The following FAT3 variants were observed in gnomAD, a reference collection of about 807,000 sequenced individuals.
FAT3 encodes the protein protocadherin Fat 3.
A neutral mutation model predicts 310.2 loss-of-function variants in FAT3; 95 were observed. The ratio of observed to expected loss-of-function variants is 0.31; its 90% confidence interval spans 0.26 to 0.36. FAT3 has a LOEUF of 0.36. FAT3 is among the 10% of genes least tolerant of loss of function. FAT3 has a pLI of 1.00. For missense variants in FAT3, 5,408 were observed against 5,715.6 expected, an observed-to-expected ratio of 0.95 and a Z score of 1.74; for synonymous variants, 2,314 against 2,192.9, an observed-to-expected ratio of 1.06 and a Z score of -1.54.
intron 2 of FAT3, among the ~76,000 whole-genome samples, chr11:92,504,519 T>C (rs1376496874): frequency 6.6e-6 from 1 of 152,134 alleles, no homozygotes; most frequent in Admixed American, 6.6e-5. Flanking sequence ...AATAAAGCCT[T>C]TTATAGCTGA....
chr11:92,746,546 G>A (rs544319088), intron 4 of FAT3, among the ~76,000 whole-genome samples: 3 of 152,082 alleles, frequency 2.0e-5, no homozygotes, highest in Non-Finnish European at 4.4e-5. Flanking sequence ...CAAATCTCAT[G>A]TCCTCACATT....
intron 2 of FAT3, among the ~76,000 whole-genome samples, chr11:92,415,764 T>C (rs1349685427): frequency 6.6e-6 from 1 of 151,946 alleles, no homozygotes; most frequent in Non-Finnish European, 1.5e-5. Flanking sequence ...ATGTACTTTA[T>C]TATAGCTCCT....
At chr11:92,255,341 TAAAAAA>T (rs201587803) in intron 1 of FAT3, among the ~76,000 whole-genome samples, 33 of 144,466 alleles carry the variant, frequency 2.3e-4, no homozygotes, top group Middle Eastern at 3.6e-3. Context: ...GGTTTTTTTT[TAAAAAA>T]AAAAAAAAGG....
At chr11:92,711,315 C>T (rs1298055634) in intron 4 of FAT3, among the ~76,000 whole-genome samples, 3 of 151,634 alleles carry the variant, frequency 2.0e-5, no homozygotes, top group Non-Finnish European at 4.4e-5. Flanking sequence ...TACTTTTTTC[C>T]ATTGCATGGG....
At chr11:92,240,920 G>A (rs1223482816) in intron 1 of FAT3, among the ~76,000 whole-genome samples, 1 of 151,838 alleles carries the variant, frequency 6.6e-6, no homozygotes, top group Non-Finnish European at 1.5e-5. Context: ...CCACATCCTT[G>A]TAGAATCCCC....
intron 25 of FAT3, among the ~76,000 whole-genome samples, chr11:92,888,027 G>T (rs186780274): frequency 3.3e-4 from 50 of 152,246 alleles, no homozygotes; most frequent in Non-Finnish European, 7.1e-4. Flanking sequence ...CATGTGCTGA[G>T]TCCTTTTCCC....
rs1045558848 is a variant in FAT3, at chr11:92,749,056, C to T, written c.3670-12800C>T. 3.9e-5 allele frequency: 6 copies of T among 152,274 alleles called. No homozygotes were observed. The East Asian group carries it at 5.8e-4, about 15-fold the overall frequency. The allele number at this position is 152,274 out of a possible 1,614,324, so 9.4% of individuals were successfully genotyped here. Reference sequence around the variant, plus strand: ...TGAGTATTCTTTGAGAAGGTCATTTCTCTATTTCTCCACCTGTAAAGAGGA... The same window carrying T: ...TGAGTATTCTTTGAGAAGGTCATTTTTCTATTTCTCCACCTGTAAAGAGGA... On this transcript the variant is annotated intron_variant, in intron 4 of 27. Transcript: ENST00000525166.
At chr11:92,234,287 A>G (rs1053781081) in intron 1 of FAT3, among the ~76,000 whole-genome samples, 1 of 152,236 alleles carries the variant, frequency 6.6e-6, no homozygotes, top group Non-Finnish European at 1.5e-5. Flanking sequence ...GCAAGAGTGT[A>G]TACATATTGG....
rs553921438 is a variant in FAT3, at chr11:92,789,855, A to T, written c.4336-88A>T. On this transcript the variant is annotated intron_variant, in intron 7 of 27. Transcript: ENST00000525166. ...TAGAAGCTAGGATCCAAGGACGGGG[A>T]AGCGGGGAGAAAAAGAGGGAGGGCA... 2.2e-6 allele frequency: 3 copies of T among 1,378,880 alleles called. No individual in the cohort carries two copies. In the African/African-American group the frequency reaches 4.3e-5, roughly 20 times the overall value. The allele number at this position is 1,378,880 out of a possible 1,614,324, so 85.4% of individuals were successfully genotyped here.
At chr11:92,384,477 A>G (rs1478300094) in intron 2 of FAT3, among the ~76,000 whole-genome samples, 1 of 152,216 alleles carries the variant, frequency 6.6e-6, no homozygotes, top group Non-Finnish European at 1.5e-5. Flanking sequence ...CACAGAAAAG[A>G]ACTTTGACTC....
Position 92,410,437 on chromosome 11 carries a change from G to A in FAT3, c.3292+55033G>A, listed in dbSNP as rs566805838. On this transcript the variant is annotated intron_variant, in intron 2 of 27. Transcript: ENST00000525166. The stretch of plus-strand genomic sequence containing the variant: ...TCTGGGACCATTTTGGTTTGTGGAA[G>A]GGTGGAGCTTTAACCTTGCTTCTGA... 3.1e-3 allele frequency among the ~76,000 whole-genome samples: 478 copies of A among 152,238 alleles called. 2 individuals carry two copies. The highest frequency in any genetic ancestry group is 1.0e-2 in the African/African-American group (415 of 41,554).
At chr11:92,753,798 G>GTGTGTGTGTGTGTGTATA in intron 4 of FAT3, among the ~76,000 whole-genome samples, 1,456 of 119,166 alleles carry the variant, frequency 0.012, 123 homozygotes, top group African/African-American at 0.053. Context: ...GTGTGTGTGT[G>GTGTGTGTGTGTGTGTATA]TATATATATA....
chr11:92,828,351 A>G lies in FAT3; in HGVS notation c.9482-3271A>G, dbSNP rs1948151657. ...TTATTTCTAAAACTTATTGAAATCC[A>G]TTGCAATTGTGTCTAAATTGGAGGT... On this transcript the variant is annotated intron_variant, in intron 13 of 27. Transcript: ENST00000525166. Among the ~76,000 whole-genome samples the G allele has an allele frequency of 2.0e-5, 3 of 152,120 alleles. No homozygotes were observed. The South Asian group carries it at 6.2e-4, about 32-fold the overall frequency.
At position 92,883,603 on chromosome 11, in the gene FAT3, A is replaced by C. The variant is rs1198190519; in HGVS notation, c.12937+210A>C. The stretch of plus-strand genomic sequence containing the variant: ...GGGAGAAATGAAGCTCAGAGAGGGT[A>C]ACATCATGAGCCCAAGGTGAGGCAG... On this transcript the variant is annotated intron_variant, in intron 24 of 27. Transcript: ENST00000525166. This position sits in a 1 kb window ranked among gnomAD's most constrained non-coding sequence, Gnocchi z 4.2. Among the ~76,000 whole-genome samples the C allele has an allele frequency of 6.6e-6, 1 of 152,320 alleles. No homozygotes were observed. The highest frequency in any genetic ancestry group is 2.4e-5 in the African/African-American group (1 of 41,578).
At chr11:92,269,462 C>T (rs1946062787) in intron 1 of FAT3, among the ~76,000 whole-genome samples, 1 of 152,074 alleles carries the variant, frequency 6.6e-6, no homozygotes, top group Non-Finnish European at 1.5e-5. Flanking sequence ...TTATCTACAT[C>T]TCATGAAAAA....
At position 92,352,311 on chromosome 11, in the gene FAT3, A is replaced by G. The variant is rs1248359198; in HGVS notation, c.199A>G (p.Arg67Gly). The change falls in exon 2 of 28, where the codon AGA (arginine) becomes GGA (glycine). Residue 67 changes from arginine (R) to glycine (G), a missense_variant. By Grantham distance (125) the Arg-to-Gly change is moderately radical. Coordinates refer to ENST00000525166, the MANE Select transcript of FAT3 (RefSeq NM_001367949.2). Reference protein sequence around the residue: ...AARTYVNSQSRMGITLIDLSW... With the variant: ...AARTYVNSQSGMGITLIDLSW... ...AAGGACCTACGTCAACAGCCAGAGT[A>G]GAATGGGCATCACCTTAATAGATCT... 1.3e-6 allele frequency: 2 copies of G among 1,528,586 alleles called. No individual in the cohort carries two copies. The highest frequency in any genetic ancestry group is 3.5e-5 in the Admixed American group (2 of 57,376). 94.7% of individuals were successfully genotyped at this position (1,528,586 alleles called of 1,614,324 possible).
intron 3 of FAT3, among the ~76,000 whole-genome samples, chr11:92,598,192 A>T (rs1939812343): frequency 6.9e-6 from 1 of 145,240 alleles, no homozygotes; most frequent in Non-Finnish European, 1.5e-5. Flanking sequence ...ATTTATTTTC[A>T]TGTATATAAA....
chr11:92,556,335 G>C (rs1054497893), intron 3 of FAT3, among the ~76,000 whole-genome samples: 1 of 152,084 alleles, frequency 6.6e-6, no homozygotes, highest in South Asian at 2.1e-4. Flanking sequence ...CTTGCTTGCC[G>C]TCATCCTCTC....
At chr11:92,719,720 CTG>C (rs751825746) in intron 4 of FAT3, among the ~76,000 whole-genome samples, 20,187 of 136,530 alleles carry the variant, frequency 0.15, 1,364 homozygotes, top group Middle Eastern at 0.19. Context: ...AGAACCAACT[CTG>C]TGTGTGTGTG....
Sources: allele counts gnomAD v4.1 joint callset (sites outside exome capture counted in the v4.1 genomes callset), GRCh38; gene constraint gnomAD v4.1.1; non-coding constraint Gnocchi (gnomAD v3.1); transcripts MANE v1.5; gene names NCBI Gene and HGNC (gene_info 2026-07-23, HGNC 2026-07-21).